The following PDE4D variants were observed in gnomAD, a reference collection of about 807,000 sequenced individuals.
PDE4D encodes the protein phosphodiesterase 4D.
A neutral mutation model predicts 87.4 loss-of-function variants in PDE4D; 24 were observed. That is an observed-to-expected ratio of 0.27 (90% CI 0.20 to 0.39). The LOEUF (loss-of-function observed/expected upper bound fraction) is 0.39. Ranked by LOEUF, PDE4D falls within the 10% of genes least tolerant of loss-of-function variation. PDE4D has a pLI of 1.00. For synonymous variants in PDE4D, 384 were observed against 383.2 expected, an observed-to-expected ratio of 1.00 and a Z score of -0.02; for missense variants, 714 against 1,041.0, an observed-to-expected ratio of 0.69 and a Z score of 4.32.
At chr5:60,063,892 T>A (rs569256933) in intron 2 of PDE4D, among the ~76,000 whole-genome samples, 1 of 152,078 alleles carries the variant, frequency 6.6e-6, no homozygotes, top group South Asian at 2.1e-4. Context: ...CAGATGACAG[T>A]GATACAGGTC....
At chr5:59,436,525 G>T (rs1562185267) in intron 1 of PDE4D, among the ~76,000 whole-genome samples, 1 of 152,138 alleles carries the variant, frequency 6.6e-6, no homozygotes, top group South Asian at 2.1e-4. Context: ...TTATTAGCAT[G>T]ACCTAATCTC....
chr5:60,312,114 AT>A (rs1755096374), intron 1 of PDE4D, among the ~76,000 whole-genome samples: 3 of 152,212 alleles, frequency 2.0e-5, no homozygotes. Context: ...TCAACACCCT[AT>A]TCACAGTATC....
At chr5:60,034,896 G>A (rs1693381740) in intron 2 of PDE4D, among the ~76,000 whole-genome samples, 1 of 152,092 alleles carries the variant, frequency 6.6e-6, no homozygotes, top group Admixed American at 6.5e-5. Flanking sequence ...AGCCCTCATT[G>A]CTGTACAACT....
chr5:59,339,398 G>A (rs570308077), intron 1 of PDE4D, among the ~76,000 whole-genome samples: 5 of 152,274 alleles, frequency 3.3e-5, no homozygotes, highest in South Asian at 4.1e-4. Flanking sequence ...TCTGTCTAAG[G>A]TTAGTTTCAG....
intron 5 of PDE4D, among the ~76,000 whole-genome samples, chr5:59,164,180 C>T (rs1781559541): frequency 6.6e-6 from 1 of 152,174 alleles, no homozygotes; most frequent in African/African-American, 2.4e-5. Context: ...GCCATAGAAA[C>T]AGGCAGACAT....
intron 5 of PDE4D, among the ~76,000 whole-genome samples, chr5:59,152,004 CAAAT>C (rs1364581059): frequency 1.3e-5 from 2 of 152,016 alleles, no homozygotes; most frequent in South Asian, 2.1e-4. Flanking sequence ...TCGGAGAAAA[CAAAT>C]GAACTGAGAT....
intron 1 of PDE4D, among the ~76,000 whole-genome samples, chr5:59,338,672 C>T (rs1041202324): frequency 3.9e-5 from 6 of 152,156 alleles, no homozygotes; most frequent in South Asian, 2.1e-4. Flanking sequence ...ACATGAAAGG[C>T]GTGTGGTTAG....
At chr5:59,441,039 T>A (rs1797541495) in intron 1 of PDE4D, among the ~76,000 whole-genome samples, 1 of 152,206 alleles carries the variant, frequency 6.6e-6, no homozygotes, top group Non-Finnish European at 1.5e-5. Context: ...TCAAACTAAA[T>A]TTCACCTTTC....
At chr5:59,591,561 C>CT (rs141460099) in intron 1 of PDE4D, among the ~76,000 whole-genome samples, 4,070 of 152,170 alleles carry the variant, frequency 0.027, 156 homozygotes, top group African/African-American at 0.084. Context: ...TCTTAAATAA[C>CT]TTGATGAAAT....
intron 1 of PDE4D, among the ~76,000 whole-genome samples, chr5:60,376,764 A>T (rs1317917564): frequency 1.3e-5 from 2 of 151,982 alleles, no homozygotes; most frequent in African/African-American, 4.8e-5. Context: ...TCCCATTCCC[A>T]CTTGTCCCAG....
chr5:60,252,320 T>C (rs1377719206), intron 1 of PDE4D, among the ~76,000 whole-genome samples: 1 of 151,796 alleles, frequency 6.6e-6, no homozygotes, highest in East Asian at 1.9e-4. Context: ...TTATCATTTA[T>C]GGATGAAATA....
intron 1 of PDE4D, among the ~76,000 whole-genome samples, chr5:59,888,941 A>T (rs1750547569): frequency 6.6e-6 from 1 of 152,086 alleles, no homozygotes; most frequent in Non-Finnish European, 1.5e-5. Flanking sequence ...TTAAAAAACT[A>T]ATGTTGCCAG....
At position 59,275,352 on chromosome 5, in the gene PDE4D, A is replaced by G. The variant is rs374207531; in HGVS notation, c.456-59384T>C. On this transcript the variant is annotated intron_variant, in intron 1 of 14. Transcript: ENST00000340635. ...AAGAACGTTACCAAACTGCCTCTGC[A>G]GTCCTTAGGGAACTTGTAGATCGGG... The G allele has an allele frequency of 2.1e-4, 337 of 1,596,814 alleles. 1 individual carries two copies. Among genetic ancestry groups the G allele is most frequent in the Non-Finnish European group, 2.6e-4 (309 of 1,178,904 alleles).
intron 5 of PDE4D, among the ~76,000 whole-genome samples, chr5:59,175,835 G>C (rs1418672608): frequency 3.1e-5 from 4 of 131,074 alleles, no homozygotes; most frequent in Non-Finnish European, 6.2e-5. Flanking sequence ...TCATTACATT[G>C]CCCAGGCTGG....
chr5:60,491,204 C>A (rs1012237909), upstream of PDE4D: 5 of 152,040 alleles, frequency 3.3e-5, no homozygotes, highest in Non-Finnish European at 7.4e-5. Context: ...AGCAAGAAGG[C>A]CTGCCTCATC....
intron 1 of PDE4D, among the ~76,000 whole-genome samples, chr5:59,573,522 G>T (rs115382962): frequency 6.6e-6 from 1 of 152,042 alleles, no homozygotes; most frequent in African/African-American, 2.4e-5. Context: ...TTCCCAGGGC[G>T]AATTTTCCTC....
intron 5 of PDE4D, among the ~76,000 whole-genome samples, chr5:59,098,461 G>A (rs1770142567): frequency 6.6e-6 from 1 of 151,912 alleles, no homozygotes; most frequent in African/African-American, 2.4e-5. Context: ...ACTTTGGGAA[G>A]CCAAGGCAAG....
At chr5:59,596,573 G>A (rs1318500339) in intron 1 of PDE4D, among the ~76,000 whole-genome samples, 6 of 151,648 alleles carry the variant, frequency 4.0e-5, no homozygotes, top group Admixed American at 4.0e-4. Flanking sequence ...GCATAATAAG[G>A]ACTCAGAGTC....
At chr5:60,186,882 G>A (rs954788507) in intron 1 of PDE4D, among the ~76,000 whole-genome samples, 8 of 152,162 alleles carry the variant, frequency 5.3e-5, no homozygotes, top group Admixed American at 2.6e-4. Context: ...AGAGAAGCCT[G>A]CAAGGAACAC....
Sources: gnomAD v4.1 joint callset for allele counts (sites outside exome capture counted in the v4.1 genomes callset) on GRCh38, gnomAD v4.1.1 for gene constraint, MANE v1.5 for transcripts, NCBI Gene and HGNC (gene_info 2026-07-23, HGNC 2026-07-21) for gene names.